CLYBL: variants seen among roughly 807,000 people sequenced by gnomAD.
CLYBL encodes citramalyl-CoA lyase.
Under a neutral mutation model 38.9 loss-of-function variants are expected in CLYBL, and 31 were observed. The ratio of observed to expected loss-of-function variants is 0.80; its 90% CI spans 0.60 to 1.08. The LOEUF (loss-of-function observed/expected upper bound fraction) is 1.08. Ranked by LOEUF, CLYBL falls within the 50% of genes least tolerant of loss-of-function variation. The pLI is 0.00. For missense variants in CLYBL, 434 were observed against 411.6 expected (o/e 1.05, Z -0.47); for synonymous variants, 171 against 158.6 (o/e 1.08, Z -0.59).
At chr13:99,890,503 T>C (rs559263268) in intron 7 of CLYBL, among the ~76,000 whole-genome samples, 1 of 152,196 alleles carries the variant, frequency 6.6e-6, no homozygotes, top group Non-Finnish European at 1.5e-5. Flanking sequence ...TCCCGCTCTG[T>C]CACTCATGCT....
At chr13:99,683,870 A>T (rs905778724) in intron 1 of CLYBL, among the ~76,000 whole-genome samples, 6 of 149,732 alleles carry the variant, frequency 4.0e-5, no homozygotes, top group South Asian at 4.2e-4. Flanking sequence ...TATATATATA[A>T]AATTTTTTTT....
At chr13:99,799,377 T>TCACACACACACACACACACA (rs142411916) in intron 2 of CLYBL, among the ~76,000 whole-genome samples, 1,518 of 150,272 alleles carry the variant, frequency 0.01, 22 homozygotes, top group African/African-American at 0.03. Flanking sequence ...ATACACACAT[T>TCACACACACACACACACACA]CACACACACA....
intron 1 of CLYBL, among the ~76,000 whole-genome samples, chr13:99,768,187 T>C (rs7328242): frequency 0.22 from 27,034 of 120,574 alleles, 3,195 homozygotes; most frequent in East Asian, 0.4. Flanking sequence ...AAGTCTTTTC[T>C]TTTTCTTTTT....
chr13:99,811,649 G>A (rs1175756759), intron 2 of CLYBL, among the ~76,000 whole-genome samples: 1 of 152,032 alleles, frequency 6.6e-6, no homozygotes, highest in Non-Finnish European at 1.5e-5. Flanking sequence ...CTGACGCCCA[G>A]GAGGACAGGT....
At chr13:99,612,858 T>A (rs189153208) in intron 1 of CLYBL, among the ~76,000 whole-genome samples, 4,241 of 151,638 alleles carry the variant, frequency 0.028, 194 homozygotes, top group African/African-American at 0.097. Flanking sequence ...CAAAAAAAAT[T>A]TTAAAAGTTA....
chr13:99,722,258 G>T (rs924418543), intron 1 of CLYBL, among the ~76,000 whole-genome samples: 24 of 152,084 alleles, frequency 1.6e-4, no homozygotes, highest in African/African-American at 5.8e-4. Context: ...TTCCCCAGGG[G>T]TGTTGACACT....
intron 2 of CLYBL, among the ~76,000 whole-genome samples, chr13:99,824,588 CT>C (rs1323713460): frequency 2.0e-5 from 3 of 152,160 alleles, no homozygotes; most frequent in African/African-American, 7.2e-5. Context: ...TCTTCTGTCA[CT>C]TGCTTTCATC....
At chr13:99,811,695 C>A (rs1373586714) in intron 2 of CLYBL, among the ~76,000 whole-genome samples, 1 of 152,172 alleles carries the variant, frequency 6.6e-6, no homozygotes, top group African/African-American at 2.4e-5. Flanking sequence ...CCAGCTGCCT[C>A]CTAAAGCAGC....
chr13:99,798,031 G>A (rs1010034016), intron 2 of CLYBL, among the ~76,000 whole-genome samples: 1 of 152,160 alleles, frequency 6.6e-6, no homozygotes, highest in Non-Finnish European at 1.5e-5. Flanking sequence ...GTGCCTGGAT[G>A]TTCTTTGATA....
intron 8 of CLYBL, among the ~76,000 whole-genome samples, chr13:99,904,266 A>G (rs1221276352): frequency 6.6e-6 from 1 of 152,224 alleles, no homozygotes; most frequent in African/African-American, 2.4e-5. Context: ...GCAGATTAAA[A>G]AGAGAAACAG....
intron 1 of CLYBL, among the ~76,000 whole-genome samples, chr13:99,666,490 G>GT (rs1566603642): frequency 1.3e-5 from 2 of 152,100 alleles, no homozygotes; most frequent in African/African-American, 4.8e-5. Context: ...ATCTCATGGG[G>GT]TTTTTTTCCC....
At chr13:99,806,418 T>C (rs2050233977) in intron 2 of CLYBL, among the ~76,000 whole-genome samples, 1 of 152,262 alleles carries the variant, frequency 6.6e-6, no homozygotes, top group African/African-American at 2.4e-5. Context: ...GTGTTTCATA[T>C]GTATTTTGTC....
At chr13:99,684,468 C>G (rs1038776657) in intron 1 of CLYBL, among the ~76,000 whole-genome samples, 4 of 152,028 alleles carry the variant, frequency 2.6e-5, no homozygotes, top group Non-Finnish European at 4.4e-5. Flanking sequence ...AACAAACAAA[C>G]AAAAAATTTA....
At chr13:99,614,245 T>C (rs2046673267) in intron 1 of CLYBL, among the ~76,000 whole-genome samples, 1 of 152,074 alleles carries the variant, frequency 6.6e-6, no homozygotes, top group East Asian at 1.9e-4. Context: ...GCAAGAGTCT[T>C]CTGGAATGGC....
chr13:99,897,461 G>A (rs1414551114), downstream of CLYBL, among the ~76,000 whole-genome samples: 1 of 152,130 alleles, frequency 6.6e-6, no homozygotes, highest in African/African-American at 2.4e-5. Context: ...TATAGAAGGG[G>A]GCCAGACTTC....
intron 1 of CLYBL, among the ~76,000 whole-genome samples, chr13:99,677,545 T>C (rs2047672103): frequency 6.6e-6 from 1 of 152,226 alleles, no homozygotes. Flanking sequence ...GCAGTAGTTA[T>C]TAAAGCTTGT....
intron 1 of CLYBL, among the ~76,000 whole-genome samples, chr13:99,706,302 C>G (rs1049649732): frequency 6.6e-6 from 1 of 152,136 alleles, no homozygotes; most frequent in Non-Finnish European, 1.5e-5. Context: ...TGCCCCTGAG[C>G]CAAACACTGT....
chr13:99,832,995 C>CATATATATATAT lies in CLYBL; in HGVS notation c.250-25863_250-25862insTATATATATATA, dbSNP rs1566345599. ...ATATCATTTCATTAAGTAGTATATACATACATACATACATATATATATATA... is the reference window on the plus strand; with the variant it reads ...ATATCATTTCATTAAGTAGTATATACATATATATATATATACATACATACATATATATATATA... On this transcript the variant is annotated intron_variant, in intron 2 of 8. Transcript: ENST00000339105. Among the ~76,000 whole-genome samples, 9 of 46,088 alleles carry CATATATATATAT rather than the reference C, an allele frequency of 2.0e-4. 1 individual carries two copies. The highest frequency in any genetic ancestry group is 5.7e-4 in the Admixed American group (2 of 3,484). The allele number at this position is 46,088 out of a possible 152,430, so 30.2% of individuals were successfully genotyped here. A position where few individuals can be genotyped will look rare whatever the true frequency, so the allele number is the denominator to read the frequency against.
intron 2 of CLYBL, among the ~76,000 whole-genome samples, chr13:99,783,601 C>T (rs9513665): frequency 0.43 from 64,643 of 151,546 alleles, 14,906 homozygotes; most frequent in East Asian, 0.71. Context: ...GGACTACAGG[C>T]GCCTGCCACC....
Sources: gnomAD v4.1 joint callset for allele counts (sites outside exome capture counted in the v4.1 genomes callset) on GRCh38, gnomAD v4.1.1 for gene constraint, MANE v1.5 for transcripts, NCBI Gene and HGNC (gene_info 2026-07-23, HGNC 2026-07-21) for gene names.